CCDC172: variants seen among roughly 807,000 people sequenced by gnomAD.
The protein encoded by CCDC172 is coiled-coil domain containing 172, also known as coiled-coil domain-containing protein 172.
In CCDC172, 30 loss-of-function variants were observed where a neutral mutation model predicts 38.0. The observed-to-expected ratio is 0.79, with a 90% CI of 0.59 to 1.07. CCDC172 has a LOEUF of 1.07. Among genes scored for constraint, CCDC172 ranks in the 50% least tolerant of loss-of-function variants. The pLI, the probability that CCDC172 is intolerant of heterozygous loss-of-function variation, is 0.00. For synonymous variants in CCDC172, 78 were observed against 88.3 expected (o/e 0.88, Z 0.66); for missense variants, 297 against 290.1 (o/e 1.02, Z -0.17).
At chr10:116,341,922 G>A (rs1374239704) in intron 4 of CCDC172, 114 bp from the exon 5 acceptor site, 28 of 728,470 alleles carry the variant, frequency 3.8e-5, no homozygotes, top group Non-Finnish European at 4.8e-5. Context: ...AAACCAGGAA[G>A]TGTAACTATA....
chr10:116,329,617 A>G (rs1433594486), intron 3 of CCDC172, among the ~76,000 whole-genome samples: 1 of 152,144 alleles, frequency 6.6e-6, no homozygotes, highest in African/African-American at 2.4e-5. Flanking sequence ...TCCCCAAGAC[A>G]CTTTCAGGGA....
At chr10:116,339,207 C>T (rs1391321918) in intron 3 of CCDC172, among the ~76,000 whole-genome samples, 2 of 151,916 alleles carry the variant, frequency 1.3e-5, no homozygotes, top group Non-Finnish European at 2.9e-5. Flanking sequence ...ATAGTTCTGA[C>T]ATTTCCATGC....
In CCDC172 at chr10:116,350,778, C is replaced by T. The variant is rs1185581502; in HGVS notation, c.449-6602C>T. 2.0e-5 allele frequency among the ~76,000 whole-genome samples: 3 copies of T among 152,178 alleles called. No homozygotes were observed. The East Asian group carries it at 5.8e-4, about 29-fold the overall frequency. On this transcript the variant is annotated intron_variant, in intron 5 of 8. Transcript: ENST00000333254. Reference sequence around the variant, plus strand: ...AAAGATGTAAATTAATTTTGATTGTCTTAGTTGGTTTAATATTCATAACCA... The same window carrying T: ...AAAGATGTAAATTAATTTTGATTGTTTTAGTTGGTTTAATATTCATAACCA...
chr10:116,331,459 C>T (rs1844661962), intron 3 of CCDC172, among the ~76,000 whole-genome samples: 1 of 152,088 alleles, frequency 6.6e-6, no homozygotes, highest in South Asian at 2.1e-4. Context: ...TGTCTCCCTC[C>T]AGTGGAATGT....
At chr10:116,363,756 G>A (rs1258126650) in intron 7 of CCDC172, among the ~76,000 whole-genome samples, 1 of 151,824 alleles carries the variant, frequency 6.6e-6, no homozygotes, top group Admixed American at 6.6e-5. Context: ...GGCCAACATG[G>A]TGAAACCCCG....
chr10:116,330,173 C>T (rs370709841), intron 3 of CCDC172, among the ~76,000 whole-genome samples: 1 of 152,106 alleles, frequency 6.6e-6, no homozygotes, highest in Non-Finnish European at 1.5e-5. Context: ...TGACATTCTT[C>T]TTATTATTTT....
Position 116,342,163 on chromosome 10 carries a change from TA to T in CCDC172, c.411del (p.Ser138LeufsTer3). On this transcript the variant is annotated frameshift_variant, in exon 5 of 9. Transcript: ENST00000333254. LOFTEE classifies it high-confidence loss of function. ...LLMKENVKIE[I>X]SDLENQANML... ...ATGAAAGAAAATGTCAAGATTGAAA[TA>T]TCTGACTTAGAAAACCAAGCAAACA... is the stretch of plus-strand genomic sequence containing the variant. 1 of 1,538,092 alleles carries T rather than the reference TA, an allele frequency of 6.5e-7. No individual in the cohort carries two copies. Among genetic ancestry groups the T allele is most frequent in the East Asian group, 2.6e-5 (1 of 38,980 alleles).
At chr10:116,356,322 T>C (rs1165071602) in intron 5 of CCDC172, among the ~76,000 whole-genome samples, 1 of 121,152 alleles carries the variant, frequency 8.3e-6, no homozygotes, top group Admixed American at 1.0e-4. Context: ...AGAGCAAGAC[T>C]CCACTCAGAA....
At chr10:116,345,914 A>G (rs1469399462) in intron 5 of CCDC172, among the ~76,000 whole-genome samples, 1 of 152,168 alleles carries the variant, frequency 6.6e-6, no homozygotes, top group Non-Finnish European at 1.5e-5. Flanking sequence ...AGCTAAATGT[A>G]CATTTACCAT....
At chr10:116,358,890 C>G (rs369814817) in intron 7 of CCDC172, among the ~76,000 whole-genome samples, 39 of 152,150 alleles carry the variant, frequency 2.6e-4, no homozygotes, top group African/African-American at 6.7e-4. Context: ...GGCTTCCAAT[C>G]TGAACTCCAG....
chr10:116,343,488 G>C (rs1844822444), intron 5 of CCDC172, among the ~76,000 whole-genome samples: 1 of 148,642 alleles, frequency 6.7e-6, no homozygotes, highest in African/African-American at 2.5e-5. Flanking sequence ...TACTCTCTGT[G>C]CTCCTATTTC....
intron 5 of CCDC172, among the ~76,000 whole-genome samples, chr10:116,351,867 T>A (rs986821984): frequency 6.6e-6 from 1 of 152,028 alleles, no homozygotes; most frequent in Non-Finnish European, 1.5e-5. Context: ...GAAACAAAGA[T>A]TGGAATTTAG....
Position 116,347,272 on chromosome 10 carries a change from T to C in CCDC172, c.448+5071T>C, listed in dbSNP as rs191632483. ...GGGCAGAACACGTTACTGAGTGGAG[T>C]TGACATCACCTAGGGAGAGAGTATT... On this transcript the variant is annotated intron_variant, in intron 5 of 8. Transcript: ENST00000333254. 3.5e-4 allele frequency among the ~76,000 whole-genome samples: 53 copies of C among 152,004 alleles called. 1 individual carries two copies. The highest frequency in any genetic ancestry group is 6.0e-4 in the Non-Finnish European group (41 of 67,954).
intron 5 of CCDC172, among the ~76,000 whole-genome samples, chr10:116,345,157 A>G (rs1844850355): frequency 6.6e-6 from 1 of 152,228 alleles, no homozygotes; most frequent in Admixed American, 6.5e-5. Context: ...AAAAATAGGC[A>G]TATAAATAGC....
chr10:116,358,585 A>G (rs767886582), intron 7 of CCDC172, among the ~76,000 whole-genome samples: 1 of 152,182 alleles, frequency 6.6e-6, no homozygotes, highest in African/African-American at 2.4e-5. Context: ...TACTGGATCT[A>G]TGAAGAAGCA....
chr10:116,338,952 A>G (rs1844762666), intron 3 of CCDC172, among the ~76,000 whole-genome samples: 1 of 152,044 alleles, frequency 6.6e-6, no homozygotes, highest in African/African-American at 2.4e-5. Context: ...ACCTTAGTAG[A>G]TTAAACCCAC....
At chr10:116,329,743 C>T (rs1348162486) in intron 3 of CCDC172, among the ~76,000 whole-genome samples, 2 of 152,128 alleles carry the variant, frequency 1.3e-5, no homozygotes. Context: ...AAACTCTTAG[C>T]ACCTTAACAC....
At chr10:116,362,186 G>A (rs1294085198) in intron 7 of CCDC172, among the ~76,000 whole-genome samples, 1 of 152,176 alleles carries the variant, frequency 6.6e-6, no homozygotes, top group African/African-American at 2.4e-5. Flanking sequence ...TGTGACTACT[G>A]TTAAAAGTTT....
chr10:116,362,722 T>A (rs1268258937), intron 7 of CCDC172, among the ~76,000 whole-genome samples: 1 of 152,234 alleles, frequency 6.6e-6, no homozygotes, highest in Non-Finnish European at 1.5e-5. Flanking sequence ...CCATCTTTTT[T>A]AACATTTATA....
Sources: gnomAD v4.1 joint callset for allele counts (sites outside exome capture counted in the v4.1 genomes callset) on GRCh38, gnomAD v4.1.1 for gene constraint, MANE v1.5 for transcripts, NCBI Gene and HGNC (gene_info 2026-07-23, HGNC 2026-07-21) for gene names.